The following FMN2 variants were observed in gnomAD, a reference collection of about 807,000 sequenced individuals.
FMN2 encodes formin 2, also known as formin-2.
In FMN2, 51 loss-of-function variants were observed where a neutral mutation model predicts 142.3. The ratio of observed to expected loss-of-function variants is 0.36; its 90% CI spans 0.29 to 0.45. The LOEUF is 0.45. Among genes scored for constraint, FMN2 ranks in the 20% least tolerant of loss-of-function variants. FMN2 has a pLI of 1.00. For synonymous variants in FMN2, 882 were observed against 869.8 expected, an observed-to-expected ratio of 1.01 and a Z score of -0.25; for missense variants, 1,936 against 2,122.8, an observed-to-expected ratio of 0.91 and a Z score of 1.73.
intron 2 of FMN2, among the ~76,000 whole-genome samples, chr1:240,127,024 A>C (rs1218851933): frequency 6.6e-6 from 1 of 152,124 alleles, no homozygotes; most frequent in African/African-American, 2.4e-5. Flanking sequence ...AGGAGCACAG[A>C]CATGACTCAG....
At chr1:240,369,947 C>G (rs1672808901) in intron 14 of FMN2, among the ~76,000 whole-genome samples, 1 of 152,040 alleles carries the variant, frequency 6.6e-6, no homozygotes, top group Non-Finnish European at 1.5e-5. Flanking sequence ...AGAGAGTTTC[C>G]CCTTCCCCCA....
chr1:240,295,220 A>T (rs61829203), intron 8 of FMN2, among the ~76,000 whole-genome samples: 1 of 148,946 alleles, frequency 6.7e-6, no homozygotes, highest in Non-Finnish European at 1.5e-5. Context: ...ACACACACAC[A>T]CACACTCACA....
At position 240,447,616 on chromosome 1, in the gene FMN2, A is replaced by AT. The variant is rs113241140; in HGVS notation, c.5060+9411dup. 7.7e-3 allele frequency among the ~76,000 whole-genome samples: 1,178 copies of AT among 152,292 alleles called. 13 individuals are homozygous for AT. The highest frequency in any genetic ancestry group is 0.027 in the African/African-American group (1,105 of 41,556). On this transcript the variant is annotated intron_variant, in intron 16 of 17. Coordinates refer to ENST00000319653, the MANE Select transcript of FMN2 (RefSeq NM_020066.5). The stretch of plus-strand genomic sequence containing the variant: ...GAAATACAAAATGGCTTTTGCCATT[A>AT]TTTTTATGGCAAAAACTGCAATTAC...
intron 15 of FMN2, among the ~76,000 whole-genome samples, chr1:240,413,120 CAAAAAAAAAAAAAAAAA>C (rs35590068): frequency 8.1e-5 from 2 of 24,566 alleles, no homozygotes; most frequent in African/African-American, 1.2e-4. Flanking sequence ...GAGACTCTGT[CAAAAAAAAAAAAAAAAA>C]AAAAAAAAAA....
At chr1:240,241,244 ATT>A (rs75842695) in intron 6 of FMN2, among the ~76,000 whole-genome samples, 1,785 of 136,548 alleles carry the variant, frequency 0.013, 43 homozygotes, top group African/African-American at 0.044. Context: ...TTTTAATTGT[ATT>A]TTTTTTTTTT....
chr1:240,322,696 A>G (rs1160889776), intron 8 of FMN2, among the ~76,000 whole-genome samples: 1 of 152,110 alleles, frequency 6.6e-6, no homozygotes, highest in African/African-American at 2.4e-5. Context: ...AGCCTTTCAG[A>G]CCGAGGAATC....
chr1:240,102,730 T>G (rs941030971), intron 1 of FMN2, among the ~76,000 whole-genome samples: 3 of 152,154 alleles, frequency 2.0e-5, no homozygotes, highest in Non-Finnish European at 4.4e-5. Context: ...CAGAAGTATG[T>G]TGACTCTGTT....
intron 15 of FMN2, among the ~76,000 whole-genome samples, chr1:240,434,150 T>G (rs1279070766): frequency 4.6e-5 from 7 of 152,200 alleles, no homozygotes; most frequent in Admixed American, 4.6e-4. Context: ...GTTATTATAA[T>G]CATGCATTTT....
chr1:240,339,936 T>C lies in FMN2; in HGVS notation c.4765+5707T>C, dbSNP rs137995916. Among the ~76,000 whole-genome samples, 821 of 152,218 alleles carry C rather than the reference T, an allele frequency of 5.4e-3. 2 individuals carry two copies. The highest frequency in any genetic ancestry group is 0.023 in the South Asian group (113 of 4,830). ...ACACCTCCAATAACATTTAAGAAGA[T>C]GTACATAGTATTCCTGTTAATTTAC... On this transcript the variant is annotated intron_variant, in intron 13 of 17. Coordinates refer to ENST00000319653, the MANE Select transcript of FMN2 (RefSeq NM_020066.5).
intron 1 of FMN2, among the ~76,000 whole-genome samples, chr1:240,103,303 A>G (rs1661478030): frequency 6.6e-6 from 1 of 152,218 alleles, no homozygotes; most frequent in African/African-American, 2.4e-5. Context: ...CTAAGCCCTT[A>G]AGGTTGAGCC....
Position 240,334,099 on chromosome 1 carries a change from TG to T in FMN2, c.4645-9del. The T allele has an allele frequency of 1.3e-6, 2 of 1,585,978 alleles. No homozygotes were observed. Among genetic ancestry groups the T allele is most frequent in the Non-Finnish European group, 8.5e-7 (1 of 1,172,782 alleles). On this transcript the variant is annotated splice_polypyrimidine_tract_variant and intron_variant, in intron 12 of 17. Coordinates refer to ENST00000319653, the MANE Select transcript of FMN2 (RefSeq NM_020066.5). ...TTTCTTTAAATATGATGGGGTTTTT[TG>T]TTCATTAGGATGCTGGAAAAGAACA...
intron 15 of FMN2, among the ~76,000 whole-genome samples, chr1:240,435,719 A>T (rs1572308818): frequency 6.6e-6 from 1 of 152,202 alleles, no homozygotes; most frequent in Non-Finnish European, 1.5e-5. Flanking sequence ...TAGAGGCAGG[A>T]TTCAATATTC....
intron 15 of FMN2, among the ~76,000 whole-genome samples, chr1:240,398,255 T>C (rs1419584132): frequency 1.3e-5 from 2 of 152,176 alleles, no homozygotes; most frequent in Admixed American, 1.3e-4. Flanking sequence ...CTGCCCGCCT[T>C]GGCCTCCCAA....
At chr1:240,354,516 T>G (rs1236446252) in intron 13 of FMN2, among the ~76,000 whole-genome samples, 1 of 152,140 alleles carries the variant, frequency 6.6e-6, no homozygotes, top group Non-Finnish European at 1.5e-5. Flanking sequence ...AGATACAGGT[T>G]AGAAATTCTC....
chr1:240,160,546 T>C (rs12080832), intron 2 of FMN2, among the ~76,000 whole-genome samples: 48,525 of 150,622 alleles, frequency 0.32, 8,662 homozygotes, highest in African/African-American at 0.49. Flanking sequence ...ATCAGAAAAG[T>C]GTTTGATAAA....
chr1:240,136,479 C>T (rs1558313395), intron 2 of FMN2, among the ~76,000 whole-genome samples: 1 of 152,114 alleles, frequency 6.6e-6, no homozygotes, highest in Non-Finnish European at 1.5e-5. Flanking sequence ...ATACTTTCTT[C>T]ATGATTGTTT....
chr1:240,270,051 G>T (rs1311660141), intron 7 of FMN2, among the ~76,000 whole-genome samples: 1 of 151,976 alleles, frequency 6.6e-6, no homozygotes, highest in Non-Finnish European at 1.5e-5. Flanking sequence ...CTCTGGCTAG[G>T]ATGTCCAGTA....
At chr1:240,351,209 TAA>T (rs1402506511) in intron 13 of FMN2, among the ~76,000 whole-genome samples, 1 of 152,216 alleles carries the variant, frequency 6.6e-6, no homozygotes, top group African/African-American at 2.4e-5. Flanking sequence ...CAGCATATTT[TAA>T]AGCAACCTCC....
At chr1:240,144,557 T>A (rs528739411) in intron 2 of FMN2, 1 of 1,405,568 alleles carries the variant, frequency 7.1e-7, no homozygotes, top group African/African-American at 1.4e-5. Context: ...CAGCTCCATG[T>A]CATTGCGCAT....
Sources: gnomAD v4.1 joint callset for allele counts (sites outside exome capture counted in the v4.1 genomes callset) on GRCh38, gnomAD v4.1.1 for gene constraint, MANE v1.5 for transcripts, NCBI Gene and HGNC (gene_info 2026-07-23, HGNC 2026-07-21) for gene names.